Variants in EFL1 observed in about 807,000 individuals in gnomAD.
The protein encoded by EFL1 is elongation factor-like GTPase 1.
In EFL1, 76 loss-of-function variants were observed where a neutral mutation model predicts 126.7. That is an observed-to-expected ratio of 0.60 (90% confidence interval 0.50 to 0.73). The LOEUF (loss-of-function observed/expected upper bound fraction) is 0.73. Ranked by LOEUF, EFL1 falls within the 30% of genes least tolerant of loss-of-function variation. EFL1 has a pLI of 0.00. For synonymous variants in EFL1, 410 were observed against 448.4 expected, an observed-to-expected ratio of 0.91 and a Z score of 1.08; for missense variants, 1,128 against 1,343.2, an observed-to-expected ratio of 0.84 and a Z score of 2.50.
At chr15:82,150,890 C>T (rs2073899285) in intron 18 of EFL1, among the ~76,000 whole-genome samples, 1 of 152,170 alleles carries the variant, frequency 6.6e-6, no homozygotes, top group Non-Finnish European at 1.5e-5. Context: ...GATGGTAACA[C>T]ATATGAGCAG....
chr15:82,152,423 C>A lies in EFL1; in HGVS notation c.2031G>T (p.Arg677Ser), dbSNP rs373644493. 39 of 1,591,728 alleles carry A rather than the reference C, an allele frequency of 2.5e-5. No homozygotes were observed. Among genetic ancestry groups the A allele is most frequent in the Non-Finnish European group, 3.2e-5 (38 of 1,171,918 alleles). The change falls in exon 18 of 20, where the codon AGG becomes AGT. Residue 677 changes from arginine to serine, a missense_variant and splice_region_variant. Around this residue, in one of 6 missense-constraint regions of EFL1, gnomAD observed 561 missense variants for 641.7 expected, o/e 0.87. Coordinates refer to ENST00000268206, the MANE Select transcript of EFL1 (RefSeq NM_024580.6). ...ATACACTGATATGAATCTTTGCAAA[C>A]CTACAGACAAATTCAAGAGAAATAA... ...LQRCLDDLKE[R>S]FAKIHISVSE...
chr15:82,228,783 CT>C (rs556219517), intron 9 of EFL1, among the ~76,000 whole-genome samples: 341 of 152,268 alleles, frequency 2.2e-3, no homozygotes, highest in Non-Finnish European at 3.4e-3. Context: ...CCCAATGTTT[CT>C]TTCTATCCTT....
At chr15:82,169,293 CTG>C (rs1344447174) in intron 15 of EFL1, among the ~76,000 whole-genome samples, 1 of 152,182 alleles carries the variant, frequency 6.6e-6, no homozygotes, top group Non-Finnish European at 1.5e-5. Context: ...ACACTCACAA[CTG>C]TATCATTTTC....
intron 17 of EFL1, 127 bp from the exon 18 acceptor site, chr15:82,152,550 A>T: frequency 6.1e-6 from 5 of 822,500 alleles, no homozygotes; most frequent in Non-Finnish European, 7.3e-6. Flanking sequence ...TCTTACTATG[A>T]AAGATCTGCA....
At chr15:82,215,474 AAGTACATT>A in intron 14 of EFL1, 1 of 152,268 alleles carries the variant, frequency 6.6e-6, no homozygotes, top group East Asian at 1.9e-4. Flanking sequence ...ATACAAGTAC[AAGTACATT>A]AGATTTATTA....
At chr15:82,191,920 A>C (rs1259175896) in intron 15 of EFL1, among the ~76,000 whole-genome samples, 2 of 152,214 alleles carry the variant, frequency 1.3e-5, no homozygotes, top group Non-Finnish European at 2.9e-5. Context: ...ATGGAATACA[A>C]GCTAGAAGAA....
intron 15 of EFL1, among the ~76,000 whole-genome samples, chr15:82,172,409 T>C (rs901972072): frequency 3.3e-5 from 5 of 152,176 alleles, no homozygotes; most frequent in Non-Finnish European, 7.3e-5. Flanking sequence ...CTAGGTGATT[T>C]AGTGAGTGAC....
At chr15:82,166,658 T>C (rs1263584778) in intron 15 of EFL1, among the ~76,000 whole-genome samples, 1 of 152,210 alleles carries the variant, frequency 6.6e-6, no homozygotes, top group African/African-American at 2.4e-5. Context: ...CTTTTTGTTT[T>C]TAAAAATAAC....
At chr15:82,210,498 C>T (rs1388971582) in intron 15 of EFL1, among the ~76,000 whole-genome samples, 16 of 152,230 alleles carry the variant, frequency 1.1e-4, no homozygotes, top group Admixed American at 3.3e-4. Context: ...CAACTGGCAT[C>T]AGCCCCGAGA....
chr15:82,198,260 T>C (rs1462310187), intron 15 of EFL1, among the ~76,000 whole-genome samples: 2 of 152,106 alleles, frequency 1.3e-5, no homozygotes, highest in Non-Finnish European at 2.9e-5. Context: ...TTTACCATCA[T>C]CCCATGATGG....
intron 15 of EFL1, among the ~76,000 whole-genome samples, chr15:82,183,068 G>A (rs2074268842): frequency 1.3e-5 from 2 of 152,184 alleles, no homozygotes; most frequent in African/African-American, 2.4e-5. Context: ...GGGGAACTGG[G>A]AGGTGACAGC....
At chr15:82,252,416 T>G (rs1292563922) in intron 4 of EFL1, among the ~76,000 whole-genome samples, 1 of 152,206 alleles carries the variant, frequency 6.6e-6, no homozygotes, top group African/African-American at 2.4e-5. Flanking sequence ...GCTAAAGTCC[T>G]AGGGCTCCTG....
intron 4 of EFL1, among the ~76,000 whole-genome samples, chr15:82,245,255 G>A (rs1442912710): frequency 1.3e-5 from 2 of 152,014 alleles, no homozygotes; most frequent in Admixed American, 6.5e-5. Flanking sequence ...GGGCTCAAGC[G>A]ATCCTCCTGC....
intron 8 of EFL1, 65 bp downstream of exon 8, chr15:82,230,783 T>C: frequency 6.6e-7 from 1 of 1,516,470 alleles, no homozygotes; most frequent in Non-Finnish European, 8.8e-7. Context: ...TTAAAGATAT[T>C]ACAGTATAGG....
rs1385439617 is a variant in EFL1, at chr15:82,228,135, G to GC, written c.1069+55_1069+56insG. Reference sequence around the variant, plus strand: ...AATTTCTTGGTTACCATAACGCATTGTTTTTTCTAGCTTTATCAAAACTAT... The same window carrying GC: ...AATTTCTTGGTTACCATAACGCATTGCTTTTTTCTAGCTTTATCAAAACTAT... On this transcript the variant is annotated intron_variant, in intron 10 of 19. Transcript: ENST00000268206. The GC allele has an allele frequency of 1.9e-6, 3 of 1,539,750 alleles. No homozygotes were observed. In the East Asian group the frequency reaches 6.9e-5, roughly 35 times the overall value.
At chr15:82,147,074 G>A (rs1012739491) in intron 18 of EFL1, among the ~76,000 whole-genome samples, 2 of 151,976 alleles carry the variant, frequency 1.3e-5, no homozygotes, top group East Asian at 3.9e-4. Context: ...GAACACAGAG[G>A]GGTGACTCAA....
At chr15:82,256,839 T>C (rs1567081825) in intron 3 of EFL1, among the ~76,000 whole-genome samples, 2 of 152,228 alleles carry the variant, frequency 1.3e-5, no homozygotes, top group African/African-American at 4.8e-5. Context: ...TGAATAATCA[T>C]CTTTTTATAC....
chr15:82,219,902 T>C lies in EFL1; in HGVS notation c.1445-84A>G, dbSNP rs1051020903. 3 of 1,510,342 alleles carry C rather than the reference T, an allele frequency of 2.0e-6. No homozygotes were observed. In the Admixed American group the frequency reaches 6.9e-5, roughly 35 times the overall value. 93.6% of individuals were successfully genotyped at this position (1,510,342 alleles called of 1,614,324 possible). ...TGAAATATAGAAGGAGGAGTGAATA[T>C]GATATCTTTCGTCAAGTTTCAGGAA... On this transcript the variant is annotated intron_variant, in intron 13 of 19. Transcript: ENST00000268206.
intron 15 of EFL1, among the ~76,000 whole-genome samples, chr15:82,202,666 AG>A (rs1320122376): frequency 6.6e-6 from 1 of 152,206 alleles, no homozygotes; most frequent in Non-Finnish European, 1.5e-5. Context: ...CAGGGCTACA[AG>A]GCTTAAAAGT....
Sources: gnomAD v4.1 joint callset for allele counts (sites outside exome capture counted in the v4.1 genomes callset) on GRCh38, gnomAD v4.1.1 for gene constraint, gnomAD v4.1.1 regional missense constraint, MANE v1.5 for transcripts, NCBI Gene and HGNC (gene_info 2026-07-23, HGNC 2026-07-21) for gene names.